ATG5: variants seen among roughly 807,000 people sequenced by gnomAD.
ATG5 encodes the protein autophagy related 5.
A neutral mutation model predicts 36.5 loss-of-function variants in ATG5; 14 were observed. The observed-to-expected ratio is 0.38, with a 90% CI of 0.25 to 0.60. The LOEUF (loss-of-function observed/expected upper bound fraction) is 0.60, where lower values mean the gene tolerates loss of function less well. Ranked by LOEUF, ATG5 falls within the 20% of genes least tolerant of loss-of-function variation. The pLI is 0.60. For missense variants in ATG5, 195 were observed against 326.7 expected, an observed-to-expected ratio of 0.60 and a Z score of 3.11; for synonymous variants, 95 against 101.5, an observed-to-expected ratio of 0.94 and a Z score of 0.38.
At position 106,293,113 on chromosome 6, in the gene ATG5, A is replaced by G; in HGVS notation, c.237-7T>C. On this transcript the variant is annotated splice_polypyrimidine_tract_variant and splice_region_variant and intron_variant, in intron 3 of 7. Coordinates refer to ENST00000369076, the MANE Select transcript of ATG5 (RefSeq NM_004849.4). ...CAAACCAATTGGATAATGCCTAAAA[A>G]TGAAACAGTATATTTTGAGAAAATA... 2 of 1,607,412 alleles carry G rather than the reference A, an allele frequency of 1.2e-6. No individual in the cohort carries two copies. Among genetic ancestry groups the G allele is most frequent in the South Asian group, 2.2e-5 (2 of 90,722 alleles).
At chr6:106,307,526 T>C (rs1770492448) in intron 3 of ATG5, among the ~76,000 whole-genome samples, 1 of 148,238 alleles carries the variant, frequency 6.7e-6, no homozygotes, top group African/African-American at 2.5e-5. Context: ...AGGATTTGAT[T>C]TCAATACCCT....
intron 6 of ATG5, among the ~76,000 whole-genome samples, chr6:106,208,215 T>C (rs1258526457): frequency 1.3e-5 from 2 of 151,590 alleles, no homozygotes; most frequent in Non-Finnish European, 3.0e-5. Context: ...CATATGTGTA[T>C]ATATACATCT....
intron 4 of ATG5, among the ~76,000 whole-genome samples, chr6:106,289,389 C>T (rs151160490): frequency 6.5e-4 from 98 of 151,052 alleles, no homozygotes; most frequent in African/African-American, 2.3e-3. Flanking sequence ...ATGAATGGAA[C>T]TTAGTATATA....
At chr6:106,222,283 G>T (rs1175084626) in intron 6 of ATG5, among the ~76,000 whole-genome samples, 3 of 152,120 alleles carry the variant, frequency 2.0e-5, no homozygotes, top group Non-Finnish European at 4.4e-5. Flanking sequence ...TCAAAATGAG[G>T]TATTAACTAT....
At chr6:106,299,352 A>G (rs929923312) in intron 3 of ATG5, among the ~76,000 whole-genome samples, 1 of 152,100 alleles carries the variant, frequency 6.6e-6, no homozygotes, top group African/African-American at 2.4e-5. Context: ...TTATTGTTGT[A>G]TTATTATTAG....
intron 7 of ATG5, among the ~76,000 whole-genome samples, chr6:106,190,500 T>C (rs1433269055): frequency 2.0e-5 from 3 of 152,212 alleles, no homozygotes; most frequent in African/African-American, 7.2e-5. Context: ...ATGCACATAT[T>C]GCATTTAATT....
intron 6 of ATG5, among the ~76,000 whole-genome samples, chr6:106,234,409 C>T (rs1777811862): frequency 6.6e-6 from 1 of 152,180 alleles, no homozygotes; most frequent in Non-Finnish European, 1.5e-5. Context: ...CAGAAATAAA[C>T]ACCACTTCCG....
intron 5 of ATG5, among the ~76,000 whole-genome samples, chr6:106,275,046 A>G (rs950538886): frequency 6.6e-6 from 1 of 152,246 alleles, no homozygotes; most frequent in Non-Finnish European, 1.5e-5. Context: ...ACTAGCCCCT[A>G]GCATAATGTC....
intron 4 of ATG5, among the ~76,000 whole-genome samples, chr6:106,288,946 G>GTT (rs940125988): frequency 1.3e-5 from 2 of 152,144 alleles, no homozygotes; most frequent in African/African-American, 4.8e-5. Context: ...GTGTGTGTGT[G>GTT]TGTGGCAGAG....
At chr6:106,214,731 T>C (rs1776976356) in intron 6 of ATG5, among the ~76,000 whole-genome samples, 1 of 152,210 alleles carries the variant, frequency 6.6e-6, no homozygotes, top group African/African-American at 2.4e-5. Context: ...TTCGTATCCT[T>C]TGACTGAATA....
intron 6 of ATG5, among the ~76,000 whole-genome samples, chr6:106,227,109 A>C (rs1421410707): frequency 6.6e-6 from 1 of 151,630 alleles, no homozygotes; most frequent in African/African-American, 2.4e-5. Flanking sequence ...GAAGATAAAC[A>C]AACTAAAAAG....
chr6:106,263,878 G>GAAAAAA (rs201259155), intron 5 of ATG5, among the ~76,000 whole-genome samples: 1 of 128,706 alleles, frequency 7.8e-6, no homozygotes. Flanking sequence ...CACAAAGATG[G>GAAAAAA]AAAAAAAAAA....
At chr6:106,244,460 G>A (rs1345211700) in intron 6 of ATG5, among the ~76,000 whole-genome samples, 2 of 152,058 alleles carry the variant, frequency 1.3e-5, no homozygotes, top group African/African-American at 2.4e-5. Flanking sequence ...TACTTACAAC[G>A]TCCCCCTTTG....
intron 5 of ATG5, among the ~76,000 whole-genome samples, chr6:106,266,781 G>A (rs1779243337): frequency 6.6e-6 from 1 of 152,120 alleles, no homozygotes; most frequent in African/African-American, 2.4e-5. Flanking sequence ...TGCAGAAAAG[G>A]CCTTAGGTAA....
chr6:106,267,264 T>C (rs1169017835), intron 5 of ATG5, among the ~76,000 whole-genome samples: 1 of 152,020 alleles, frequency 6.6e-6, no homozygotes, highest in Middle Eastern at 3.2e-3. Context: ...GACAATGAAA[T>C]ACCTAGGAAT....
chr6:106,270,930 A>G (rs1779430641), intron 5 of ATG5, among the ~76,000 whole-genome samples: 1 of 152,078 alleles, frequency 6.6e-6, no homozygotes, highest in South Asian at 2.1e-4. Flanking sequence ...ATAAGCCCCA[A>G]ATTTACTGAC....
chr6:106,300,969 T>C (rs1395222855), intron 3 of ATG5, among the ~76,000 whole-genome samples: 2 of 152,110 alleles, frequency 1.3e-5, no homozygotes, highest in Non-Finnish European at 2.9e-5. Flanking sequence ...AATTTCGTGC[T>C]TGAAGGTCTA....
At chr6:106,270,419 T>C (rs1474134898) in intron 5 of ATG5, among the ~76,000 whole-genome samples, 2 of 152,294 alleles carry the variant, frequency 1.3e-5, no homozygotes, top group East Asian at 1.9e-4. Context: ...CAAAACGTAC[T>C]ACAGGCAAAT....
chr6:106,324,944 C>G (rs1771233095), intron 1 of ATG5, among the ~76,000 whole-genome samples: 1 of 152,180 alleles, frequency 6.6e-6, no homozygotes, highest in East Asian at 1.9e-4. Context: ...GTTCTGATTG[C>G]TCAAGACAGG....
Sources: allele counts gnomAD v4.1 joint callset (sites outside exome capture counted in the v4.1 genomes callset), GRCh38; gene constraint gnomAD v4.1.1; transcripts MANE v1.5; gene names NCBI Gene and HGNC (gene_info 2026-07-23, HGNC 2026-07-21).